PUS10: variants seen among roughly 807,000 people sequenced by gnomAD.
The protein encoded by PUS10 is tRNA pseudouridine synthase Pus10.
A neutral mutation model predicts 75.0 loss-of-function variants in PUS10; 59 were observed. The ratio of observed to expected loss-of-function variants is 0.79; its 90% CI spans 0.64 to 0.98. The LOEUF is 0.98. PUS10 is among the 50% of genes least tolerant of loss of function. The pLI, the probability that PUS10 is intolerant of heterozygous loss-of-function variation, is 0.00. For synonymous variants in PUS10, 219 were observed against 211.6 expected (o/e 1.03, Z -0.30); for missense variants, 650 against 614.4 (o/e 1.06, Z -0.61).
At position 60,999,116 on chromosome 2, in the gene PUS10, C is replaced by T. The variant is rs148891358; in HGVS notation, c.468+7441G>A. On this transcript the variant is annotated intron_variant, in intron 4 of 17. Transcript: ENST00000316752. ...AGACCAATAAGCCAAACTGATAGTA[C>T]AATATTGCCCTCTACTGGACTCAAC... is the stretch of plus-strand genomic sequence containing the variant. Among the ~76,000 whole-genome samples, 19 of 152,180 alleles carry T rather than the reference C, an allele frequency of 1.2e-4. No homozygotes were observed. In the East Asian group the frequency reaches 2.9e-3, roughly 23 times the overall value.
At chr2:60,962,980 G>A in intron 8 of PUS10, 90 bp from the exon 9 acceptor site, 2 of 1,440,538 alleles carry the variant, frequency 1.4e-6, no homozygotes, top group Non-Finnish European at 1.8e-6. Context: ...TGGAGAAATT[G>A]TATCATTTCA....
At chr2:61,013,210 GCCA>G (rs1302631712) in intron 1 of PUS10, among the ~76,000 whole-genome samples, 1 of 150,840 alleles carries the variant, frequency 6.6e-6, no homozygotes, top group Non-Finnish European at 1.5e-5. Context: ...TCAAGATCAT[GCCA>G]CTGTACTCCA....
At chr2:60,942,944 C>T (rs1207157253) in intron 17 of PUS10, among the ~76,000 whole-genome samples, 3 of 148,674 alleles carry the variant, frequency 2.0e-5, no homozygotes, top group East Asian at 2.0e-4. Flanking sequence ...GGCAGGAGAA[C>T]AGCTTGAGCC....
At chr2:61,005,430 G>A (rs1679147854) in intron 4 of PUS10, among the ~76,000 whole-genome samples, 1 of 152,146 alleles carries the variant, frequency 6.6e-6, no homozygotes, top group African/African-American at 2.4e-5. Context: ...AGGCTCTGAG[G>A]GTTAGGGAAA....
intron 4 of PUS10, among the ~76,000 whole-genome samples, chr2:60,977,843 A>G (rs1278612878): frequency 1.3e-5 from 2 of 152,184 alleles, no homozygotes; most frequent in African/African-American, 4.8e-5. Context: ...TCAAACCGTA[A>G]GAGGAAGGTA....
Position 61,017,768 on chromosome 2 carries a change from C to G in PUS10, c.-16+240G>C, listed in dbSNP as rs745465894. The G allele has an allele frequency of 5.2e-6, 8 of 1,549,460 alleles. No individual in the cohort carries two copies. The highest frequency in any genetic ancestry group is 7.0e-6 in the Non-Finnish European group (8 of 1,146,568). ...GAGAGGAGGCGGAGGAGATGGCGTC[C>G]CAGCCGCCACCTCCCCCCAAACCCT... On this transcript the variant is annotated intron_variant, in intron 1 of 17. Transcript: ENST00000316752.
rs1573420387 is a variant in PUS10 at position 60,965,642 on chromosome 2, C to T, written c.616-158G>A. 6 of 534,814 alleles carry T rather than the reference C, an allele frequency of 1.1e-5. No homozygotes were observed. The East Asian group carries it at 1.6e-4, about 15-fold the overall frequency. The allele number at this position is 534,814 out of a possible 1,614,324, so 33.1% of individuals were successfully genotyped here. On this transcript the variant is annotated intron_variant, in intron 6 of 17. Transcript: ENST00000316752. ...CTCTCAAATCAACTTGTTATCAGGGCAGCTGTAAAGGAAATAGTTTTGTTT... is the reference window on the plus strand; with the variant it reads ...CTCTCAAATCAACTTGTTATCAGGGTAGCTGTAAAGGAAATAGTTTTGTTT...
intron 4 of PUS10, among the ~76,000 whole-genome samples, chr2:60,973,570 C>T (rs910200762): frequency 7.9e-5 from 12 of 152,348 alleles, no homozygotes; most frequent in Admixed American, 2.6e-4. Context: ...CCAACAAGTA[C>T]GGGAGGGAGG....
Position 61,018,048 on chromosome 2 carries a change from C to A in PUS10, c.-56G>T. ...TGTCTCACAGCTGTTTCTGACCCGG[C>A]AGCTCTAATCAGCAACGTTTTTTTC... On this transcript the variant is annotated 5_prime_UTR_variant, in exon 1 of 18. Coordinates refer to ENST00000316752, the MANE Select transcript of PUS10 (RefSeq NM_144709.4). 1 of 1,459,106 alleles carries A rather than the reference C, an allele frequency of 6.9e-7. No individual in the cohort carries two copies. The allele number at this position is 1,459,106 out of a possible 1,614,324, so 90.4% of individuals were successfully genotyped here. A position where few individuals can be genotyped will look rare whatever the true frequency, so the allele number is the denominator to read the frequency against.
rs757396522 is a variant in PUS10, at chr2:60,960,003, A to AC, written c.1000+388dup. Among the ~76,000 whole-genome samples, 24 of 150,022 alleles carry AC rather than the reference A, an allele frequency of 1.6e-4. No individual in the cohort carries two copies. The East Asian group carries it at 2.2e-3, about 14-fold the overall frequency. ...AGACCAGCCTGGGCAACATAGTGAG[A>AC]CCCCCCAATCTCTAAAAATATGTTA... is the stretch of plus-strand genomic sequence containing the variant. On this transcript the variant is annotated intron_variant, in intron 11 of 17. Transcript: ENST00000316752.
At chr2:60,997,542 G>A (rs975285088) in intron 4 of PUS10, among the ~76,000 whole-genome samples, 12 of 151,406 alleles carry the variant, frequency 7.9e-5, no homozygotes, top group African/African-American at 1.2e-4. Flanking sequence ...CCCGGGAGGC[G>A]GGGTTTGCAG....
intron 4 of PUS10, among the ~76,000 whole-genome samples, chr2:60,996,694 G>A (rs185337069): frequency 9.2e-5 from 14 of 152,130 alleles, no homozygotes; most frequent in African/African-American, 2.4e-4. Flanking sequence ...ATACCCCTAC[G>A]AGACTTGGAG....
chr2:60,951,906 T>C lies in PUS10; in HGVS notation c.1308+1091A>G, dbSNP rs866442308. 5.9e-5 allele frequency among the ~76,000 whole-genome samples: 9 copies of C among 152,250 alleles called. No individual in the cohort carries two copies. The South Asian group carries it at 8.3e-4, about 14-fold the overall frequency. On this transcript the variant is annotated intron_variant, in intron 15 of 17. Transcript: ENST00000316752. The stretch of plus-strand genomic sequence containing the variant: ...ATGGCTGAATAGTAGTGGTCCATTA[T>C]ACAGATAAGCCATTAATATTAAACC...
chr2:60,965,480 A>G lies in PUS10; in HGVS notation c.620T>C (p.Leu207Ser), dbSNP rs1050158298. The G allele has an allele frequency of 3.1e-6, 5 of 1,602,214 alleles. No homozygotes were observed. The highest frequency in any genetic ancestry group is 4.3e-6 in the Non-Finnish European group (5 of 1,176,386). The change falls in exon 7 of 18, where the codon TTG becomes TCG. Residue 207 changes from leucine (L) to serine (S), a missense_variant. Coordinates refer to ENST00000316752, the MANE Select transcript of PUS10 (RefSeq NM_144709.4). ...ELGVPIDGKSLFEVSVVFAHP... is the reference protein window; with the variant it reads ...ELGVPIDGKSSFEVSVVFAHP... Reference sequence around the variant, plus strand: ...AGCAAAGACCACACTCACTTCAAACAAGCTCTAAAAATTATAAAGACAGTT... The same window carrying G: ...AGCAAAGACCACACTCACTTCAAACGAGCTCTAAAAATTATAAAGACAGTT...
chr2:60,960,903 A>G (rs1187785949), intron 10 of PUS10, among the ~76,000 whole-genome samples: 1 of 151,744 alleles, frequency 6.6e-6, no homozygotes, highest in Non-Finnish European at 1.5e-5. Context: ...GTAAAGCTAC[A>G]GTAAGGCAGG....
intron 16 of PUS10, among the ~76,000 whole-genome samples, chr2:60,947,828 CAAAAAAA>C (rs890632119): frequency 2.2e-5 from 1 of 46,068 alleles, no homozygotes; most frequent in African/African-American, 8.0e-5. Context: ...GACTCTGCCT[CAAAAAAA>C]AAAAAAAAAA....
At chr2:60,968,753 A>G (rs1045104338) in intron 5 of PUS10, among the ~76,000 whole-genome samples, 3 of 152,200 alleles carry the variant, frequency 2.0e-5, no homozygotes, top group Admixed American at 6.5e-5. Context: ...CTTGTTACAG[A>G]GAGAGCTTTC....
chr2:60,942,001 A>AAATT lies in PUS10; in HGVS notation c.*390_*393dup, dbSNP rs1674649541. On this transcript the variant is annotated 3_prime_UTR_variant, in exon 18 of 18. Coordinates refer to ENST00000316752, the MANE Select transcript of PUS10 (RefSeq NM_144709.4). Reference sequence around the variant, plus strand: ...TAACTTTTATTCAGATAATTTACAAAAATTAGAACATGATTTTAAAGGTGG... The same window carrying AAATT: ...TAACTTTTATTCAGATAATTTACAAAAATTAATTAGAACATGATTTTAAAGGTGG... 6.1e-6 allele frequency: 1 copy of AAATT among 165,110 alleles called. No individual in the cohort carries two copies. The highest frequency in any genetic ancestry group is 1.3e-5 in the Non-Finnish European group (1 of 75,992). The allele number at this position is 165,110 out of a possible 1,614,324, so 10.2% of individuals were successfully genotyped here.
At chr2:60,982,705 A>G (rs781590302) in intron 4 of PUS10, among the ~76,000 whole-genome samples, 26 of 152,240 alleles carry the variant, frequency 1.7e-4, no homozygotes, top group Admixed American at 3.3e-4. Flanking sequence ...TAAAATTTTC[A>G]AAGCGTAAGA....
Sources: gnomAD v4.1 joint callset for allele counts (sites outside exome capture counted in the v4.1 genomes callset) on GRCh38, gnomAD v4.1.1 for gene constraint, MANE v1.5 for transcripts, NCBI Gene and HGNC (gene_info 2026-07-23, HGNC 2026-07-21) for gene names.